PAWR: variants seen among roughly 807,000 people sequenced by gnomAD.
PAWR encodes the protein PRKC apoptosis WT1 regulator protein.
In PAWR, 23 loss-of-function variants were observed where a neutral mutation model predicts 32.0. The ratio of observed to expected loss-of-function variants is 0.72; its 90% CI spans 0.52 to 1.02. PAWR has a LOEUF of 1.02. Ranked by LOEUF, PAWR falls within the 50% of genes least tolerant of loss-of-function variation. The probability of loss-of-function intolerance (pLI) is 0.00; values close to 1 mark genes in which losing one functional copy is unlikely to be tolerated. For missense variants in PAWR, 457 were observed against 437.7 expected, an observed-to-expected ratio of 1.04 and a Z score of -0.39; for synonymous variants, 226 against 187.1, an observed-to-expected ratio of 1.21 and a Z score of -1.70.
chr12:79,680,001 A>G (rs1878362936), intron 2 of PAWR, among the ~76,000 whole-genome samples: 1 of 152,086 alleles, frequency 6.6e-6, no homozygotes, highest in East Asian at 1.9e-4. Context: ...ATTGTTTTCT[A>G]TGTTTTTACA....
intron 2 of PAWR, among the ~76,000 whole-genome samples, chr12:79,660,230 G>C (rs1484213066): frequency 6.6e-6 from 1 of 152,100 alleles, no homozygotes; most frequent in Admixed American, 6.6e-5. Context: ...TGAAATGAGG[G>C]AAACAGGTAA....
chr12:79,627,197 G>C (rs1393888106), intron 2 of PAWR, among the ~76,000 whole-genome samples: 4 of 152,042 alleles, frequency 2.6e-5, no homozygotes, highest in South Asian at 2.1e-4. Context: ...CTAGTTTACA[G>C]TCCCACCAAC....
chr12:79,631,047 T>G (rs1033990098), intron 2 of PAWR, among the ~76,000 whole-genome samples: 3 of 152,126 alleles, frequency 2.0e-5, no homozygotes, highest in African/African-American at 7.2e-5. Context: ...TTCATCATCT[T>G]TACAAAGGAG....
chr12:79,625,328 AG>A (rs1461322538), intron 2 of PAWR, among the ~76,000 whole-genome samples: 1 of 152,140 alleles, frequency 6.6e-6, no homozygotes, highest in Non-Finnish European at 1.5e-5. Flanking sequence ...GAGAGAAATG[AG>A]GGGGAAAAAA....
intron 2 of PAWR, among the ~76,000 whole-genome samples, chr12:79,662,299 A>T (rs1484947682): frequency 6.6e-6 from 1 of 152,018 alleles, no homozygotes; most frequent in Non-Finnish European, 1.5e-5. Context: ...TTCACATTTG[A>T]AAAAACAGTT....
chr12:79,676,829 C>T (rs141457798), intron 2 of PAWR, among the ~76,000 whole-genome samples: 1 of 152,280 alleles, frequency 6.6e-6, no homozygotes, highest in Non-Finnish European at 1.5e-5. Context: ...ATAGAACTCT[C>T]CTCTTCACCT....
At chr12:79,642,282 C>A (rs1419103533) in intron 2 of PAWR, among the ~76,000 whole-genome samples, 2 of 152,216 alleles carry the variant, frequency 1.3e-5, no homozygotes, top group South Asian at 4.1e-4. Flanking sequence ...GACTTGACAC[C>A]AGCCCAAGAT....
rs959649367 is a variant in PAWR, at chr12:79,642,851, T to C, written c.517-21644A>G. On this transcript the variant is annotated intron_variant, in intron 2 of 6. Transcript: ENST00000328827. Reference sequence around the variant, plus strand: ...CCTGGAATGCAAAACATCGTTTCTGTTAACAGCAAGCTACTGTTGAGGTAA... The same window carrying C: ...CCTGGAATGCAAAACATCGTTTCTGCTAACAGCAAGCTACTGTTGAGGTAA... Among the ~76,000 whole-genome samples, 14 of 152,302 alleles carry C rather than the reference T, an allele frequency of 9.2e-5. 1 individual carries two copies. In the South Asian group the frequency reaches 1.9e-3, roughly 20 times the overall value.
intron 2 of PAWR, among the ~76,000 whole-genome samples, chr12:79,667,607 T>C (rs915104992): frequency 1.3e-5 from 2 of 152,154 alleles, no homozygotes; most frequent in African/African-American, 4.8e-5. Context: ...ATAAAAGACA[T>C]ATATGAGATA....
rs1555177480 is a variant in PAWR, at chr12:79,664,658, C to CCG, written c.516+25070_516+25071insCG. Reference sequence around the variant, plus strand: ...TTTAAGGACAAAGTAGACTCTTTGGCGGGGGGGGGAGGAGAGAGAGAGAGT... The same window carrying CCG: ...TTTAAGGACAAAGTAGACTCTTTGGCCGGGGGGGGGGAGGAGAGAGAGAGAGT... On this transcript the variant is annotated intron_variant, in intron 2 of 6. Transcript: ENST00000328827. Among the ~76,000 whole-genome samples the CCG allele has an allele frequency of 7.3e-4, 93 of 128,238 alleles. 3 individuals are homozygous for CCG. The highest frequency in any genetic ancestry group is 1.3e-3 in the Non-Finnish European group (83 of 65,374). The allele number at this position is 128,238 out of a possible 152,430, so 84.1% of individuals were successfully genotyped here.
At position 79,591,108 on chromosome 12, in the gene PAWR, T is replaced by A. The variant is rs1873541058; in HGVS notation, c.*1499A>T. On this transcript the variant is annotated 3_prime_UTR_variant, in exon 7 of 7. Transcript: ENST00000328827. ...TCCAGAGTCTCAACCTAAACCTACA[T>A]AGGAGCTACAGCCAGGGAGTTCTTT... 6.6e-6 allele frequency: 1 copy of A among 152,190 alleles called. No individual in the cohort carries two copies. Among genetic ancestry groups the A allele is most frequent in the South Asian group, 2.1e-4 (1 of 4,834 alleles). The allele number at this position is 152,190 out of a possible 1,614,324, so 9.4% of individuals were successfully genotyped here.
chr12:79,641,003 C>T (rs565054804), intron 2 of PAWR, among the ~76,000 whole-genome samples: 1 of 152,064 alleles, frequency 6.6e-6, no homozygotes, highest in African/African-American at 2.4e-5. Context: ...AGAAAATGAA[C>T]AGAGGACTAA....
At position 79,641,845 on chromosome 12, in the gene PAWR, C is replaced by CA. The variant is rs35377529; in HGVS notation, c.517-20639dup. Among the ~76,000 whole-genome samples the CA allele has an allele frequency of 2.8e-4, 16 of 57,692 alleles. 1 individual carries two copies. The highest frequency in any genetic ancestry group is 1.4e-3 in the South Asian group (1 of 722). 37.8% of individuals were successfully genotyped at this position (57,692 alleles called of 152,430 possible). On this transcript the variant is annotated intron_variant, in intron 2 of 6. Transcript: ENST00000328827. ...CTGGCAACCGAGCGAGACTCCGTCTCAAAAAAAAAAAAAAAAAAAAAAAAA... is the reference window on the plus strand; with the variant it reads ...CTGGCAACCGAGCGAGACTCCGTCTCAAAAAAAAAAAAAAAAAAAAAAAAAA...
At chr12:79,592,778 C>T in intron 6 of PAWR, 85 bp from the exon 7 acceptor site, 1 of 580,174 alleles carries the variant, frequency 1.7e-6, no homozygotes, top group East Asian at 3.0e-5. Flanking sequence ...AAAAATAATT[C>T]ATACAACCAA....
intron 2 of PAWR, among the ~76,000 whole-genome samples, chr12:79,668,990 TCAAAA>T (rs1877753759): frequency 6.6e-6 from 1 of 152,238 alleles, no homozygotes; most frequent in Non-Finnish European, 1.5e-5. Flanking sequence ...AGAAAACAGT[TCAAAA>T]CAAACAAAGC....
chr12:79,675,288 A>G (rs1878108063), intron 2 of PAWR, among the ~76,000 whole-genome samples: 1 of 152,196 alleles, frequency 6.6e-6, no homozygotes, highest in African/African-American at 2.4e-5. Flanking sequence ...TGAGGTGGGG[A>G]GGATCACTTG....
intron 4 of PAWR, among the ~76,000 whole-genome samples, chr12:79,605,802 A>G (rs1874154398): frequency 6.6e-6 from 1 of 152,146 alleles, no homozygotes; most frequent in Admixed American, 6.6e-5. Context: ...GGCCAGGTGC[A>G]GTGGCTCACG....
chr12:79,684,789 A>G lies in PAWR; in HGVS notation c.516+4940T>C, dbSNP rs186324387. Among the ~76,000 whole-genome samples, 1,056 of 152,326 alleles carry G rather than the reference A, an allele frequency of 6.9e-3. 5 individuals are homozygous for G. The highest frequency in any genetic ancestry group is 0.024 in the Middle Eastern group (7 of 294). ...GTTCTATAAATAGGGCTATTTTTAAATTCCATAGTCATATACTAACAATTT... is the reference window on the plus strand; with the variant it reads ...GTTCTATAAATAGGGCTATTTTTAAGTTCCATAGTCATATACTAACAATTT... On this transcript the variant is annotated intron_variant, in intron 2 of 6. Transcript: ENST00000328827.
chr12:79,605,855 C>T (rs2136686797), intron 4 of PAWR, among the ~76,000 whole-genome samples: 1 of 152,308 alleles, frequency 6.6e-6, no homozygotes, highest in South Asian at 2.1e-4. Flanking sequence ...AGCCAGATCA[C>T]TTGAGGCCAG....
Sources: gnomAD v4.1 joint callset for allele counts (sites outside exome capture counted in the v4.1 genomes callset) on GRCh38, gnomAD v4.1.1 for gene constraint, MANE v1.5 for transcripts, NCBI Gene and HGNC (gene_info 2026-07-23, HGNC 2026-07-21) for gene names.